Variants in PIP4K2A observed in about 807,000 individuals in gnomAD.
PIP4K2A encodes the protein phosphatidylinositol-5-phosphate 4-kinase type 2 alpha.
Under a neutral mutation model 42.9 loss-of-function variants are expected in PIP4K2A, and 14 were observed. That is an observed-to-expected ratio of 0.33 (90% CI 0.22 to 0.51). The LOEUF (loss-of-function observed/expected upper bound fraction) is 0.51, where lower values mean the gene tolerates loss of function less well. PIP4K2A is among the 20% of genes least tolerant of loss of function. The pLI is 0.97. For missense variants in PIP4K2A, 434 were observed against 519.8 expected, an observed-to-expected ratio of 0.83 and a Z score of 1.61; for synonymous variants, 192 against 192.2, an observed-to-expected ratio of 1.00 and a Z score of 0.01.
At chr10:22,544,209 G>A (rs1390365035) in intron 7 of PIP4K2A, among the ~76,000 whole-genome samples, 1 of 152,088 alleles carries the variant, frequency 6.6e-6, no homozygotes, top group East Asian at 1.9e-4. Flanking sequence ...CTGTGATCAT[G>A]GAACCTGCTT....
intron 1 of PIP4K2A, among the ~76,000 whole-genome samples, chr10:22,625,097 A>G (rs1778311): frequency 0.078 from 11,941 of 152,272 alleles, 910 homozygotes; most frequent in African/African-American, 0.2. Context: ...GAAAAGGAGC[A>G]TAATAATTTC....
At chr10:22,550,811 A>G in intron 6 of PIP4K2A, 39 bp from the exon 7 acceptor site, 1 of 1,310,104 alleles carries the variant, frequency 7.6e-7, no homozygotes, top group Non-Finnish European at 1.1e-6. Flanking sequence ...AGGCGCTTGA[A>G]GAAAACCTAA....
At chr10:22,632,534 C>T (rs1588675536) in intron 1 of PIP4K2A, among the ~76,000 whole-genome samples, 1 of 152,136 alleles carries the variant, frequency 6.6e-6, no homozygotes. Context: ...ACAAAATGCA[C>T]CTTACATACA....
intron 1 of PIP4K2A, among the ~76,000 whole-genome samples, chr10:22,611,865 A>C (rs1838049819): frequency 6.6e-6 from 1 of 152,250 alleles, no homozygotes; most frequent in Non-Finnish European, 1.5e-5. Flanking sequence ...CTTGTGGAAC[A>C]AGAGAAAGCG....
At chr10:22,618,412 G>C (rs1053782840) in intron 1 of PIP4K2A, among the ~76,000 whole-genome samples, 1 of 152,168 alleles carries the variant, frequency 6.6e-6, no homozygotes, top group Admixed American at 6.5e-5. Context: ...ACTATTAAGA[G>C]ATAAGAGTTG....
chr10:22,679,781 C>T (rs1839625146), intron 1 of PIP4K2A, among the ~76,000 whole-genome samples: 1 of 152,052 alleles, frequency 6.6e-6, no homozygotes, highest in Non-Finnish European at 1.5e-5. Flanking sequence ...CCTTGGAAAC[C>T]TTATGCCAAA....
chr10:22,647,036 A>C (rs1838899715), intron 1 of PIP4K2A, among the ~76,000 whole-genome samples: 1 of 152,218 alleles, frequency 6.6e-6, no homozygotes, highest in Non-Finnish European at 1.5e-5. Context: ...TCACTGAAAC[A>C]AACAGAATTG....
intron 1 of PIP4K2A, among the ~76,000 whole-genome samples, chr10:22,613,840 C>T (rs1323624922): frequency 1.3e-5 from 2 of 152,120 alleles, no homozygotes; most frequent in African/African-American, 4.8e-5. Context: ...AGGGTGTTTG[C>T]TGGCTGAGTG....
chr10:22,649,918 A>C (rs1009954754), intron 1 of PIP4K2A, among the ~76,000 whole-genome samples: 1 of 152,110 alleles, frequency 6.6e-6, no homozygotes, highest in Non-Finnish European at 1.5e-5. Context: ...CTCCCATCCC[A>C]TCAGGTACAA....
intron 4 of PIP4K2A, among the ~76,000 whole-genome samples, chr10:22,584,837 C>G (rs1331751396): frequency 6.6e-6 from 1 of 152,184 alleles, no homozygotes; most frequent in African/African-American, 2.4e-5. Flanking sequence ...TATCCAAGTA[C>G]TTTCCAAATT....
intron 1 of PIP4K2A, among the ~76,000 whole-genome samples, chr10:22,681,759 C>T (rs1839666533): frequency 1.3e-5 from 2 of 152,160 alleles, no homozygotes; most frequent in African/African-American, 4.8e-5. Context: ...ATTTCAGCTA[C>T]CAGCAATATT....
At chr10:22,580,735 C>A (rs941841471) in intron 4 of PIP4K2A, among the ~76,000 whole-genome samples, 2 of 152,208 alleles carry the variant, frequency 1.3e-5, no homozygotes, top group African/African-American at 4.8e-5. Flanking sequence ...AATGCAGTCC[C>A]TTGGGGCCAC....
chr10:22,673,916 T>G (rs898181124), intron 1 of PIP4K2A, among the ~76,000 whole-genome samples: 4 of 152,228 alleles, frequency 2.6e-5, no homozygotes, highest in Non-Finnish European at 4.4e-5. Flanking sequence ...AGGTTTTTCT[T>G]TAGCTTTGTT....
intron 7 of PIP4K2A, among the ~76,000 whole-genome samples, chr10:22,543,354 GC>G (rs1292720024): frequency 6.6e-6 from 1 of 152,154 alleles, no homozygotes; most frequent in Non-Finnish European, 1.5e-5. Context: ...ATCCCCCAGG[GC>G]CAGCTATATC....
chr10:22,709,053 C>G (rs901717490), intron 1 of PIP4K2A, among the ~76,000 whole-genome samples: 4 of 151,886 alleles, frequency 2.6e-5, no homozygotes, highest in Non-Finnish European at 2.9e-5. Context: ...CAATGCATGA[C>G]TAGGATTACA....
intron 1 of PIP4K2A, among the ~76,000 whole-genome samples, chr10:22,669,867 T>A (rs770556183): frequency 6.6e-6 from 1 of 152,236 alleles, no homozygotes; most frequent in Admixed American, 6.5e-5. Context: ...TGAATGACTA[T>A]GACCTGTTAG....
chr10:22,606,480 A>G (rs555874471), intron 3 of PIP4K2A, among the ~76,000 whole-genome samples: 1 of 152,310 alleles, frequency 6.6e-6, no homozygotes, highest in African/African-American at 2.4e-5. Context: ...CCAGGCCATC[A>G]TGAGACAATG....
intron 1 of PIP4K2A, among the ~76,000 whole-genome samples, chr10:22,636,365 C>T (rs1209557820): frequency 6.6e-6 from 1 of 152,220 alleles, no homozygotes; most frequent in African/African-American, 2.4e-5. Flanking sequence ...GATCCTCCCA[C>T]CTCAGCCCCT....
intron 1 of PIP4K2A, among the ~76,000 whole-genome samples, chr10:22,698,826 T>C (rs1175350051): frequency 1.3e-5 from 2 of 152,208 alleles, no homozygotes. Flanking sequence ...TTTTTTATAT[T>C]TGTGTGTGTT....
Sources: allele counts gnomAD v4.1 joint callset (sites outside exome capture counted in the v4.1 genomes callset), GRCh38; gene constraint gnomAD v4.1.1; transcripts MANE v1.5; gene names NCBI Gene and HGNC (gene_info 2026-07-23, HGNC 2026-07-21).